CDH8: variants seen among roughly 807,000 people sequenced by gnomAD.
CDH8 encodes cadherin 8.
Under a neutral mutation model 68.1 loss-of-function variants are expected in CDH8, and 17 were observed. The ratio of observed to expected loss-of-function variants is 0.25; its 90% CI spans 0.17 to 0.37. The LOEUF (loss-of-function observed/expected upper bound fraction) is 0.37. Ranked by LOEUF, CDH8 falls within the 10% of genes least tolerant of loss-of-function variation. The probability of loss-of-function intolerance (pLI) is 1.00; values close to 1 mark genes in which losing one functional copy is unlikely to be tolerated. For synonymous variants in CDH8, 372 were observed against 365.1 expected (o/e 1.02, Z -0.21); for missense variants, 763 against 999.3 (o/e 0.76, Z 3.19).
intron 3 of CDH8, among the ~76,000 whole-genome samples, chr16:61,883,474 T>C (rs914084830): frequency 1.3e-5 from 2 of 152,204 alleles, no homozygotes; most frequent in Admixed American, 6.5e-5. Context: ...AAAAAGTTAA[T>C]GATACTTATA....
intron 8 of CDH8, among the ~76,000 whole-genome samples, chr16:61,739,368 C>T (rs1959794957): frequency 6.6e-6 from 1 of 152,034 alleles, no homozygotes; most frequent in Non-Finnish European, 1.5e-5. Flanking sequence ...ACAAGCAACA[C>T]ACACAATTTA....
In CDH8 at chr16:61,652,755, A is replaced by C. The variant is rs1206559454; in HGVS notation, c.*853T>G. On this transcript the variant is annotated 3_prime_UTR_variant, in exon 12 of 12. Coordinates refer to ENST00000577390, the MANE Select transcript of CDH8 (RefSeq NM_001796.5). Reference sequence around the variant, plus strand: ...ATAAAAGCATTAATGGACATCAATAAAATATTTATTTCGAGGATTAAACAA... The same window carrying C: ...ATAAAAGCATTAATGGACATCAATACAATATTTATTTCGAGGATTAAACAA... 2.3e-6 allele frequency: 3 copies of C among 1,323,908 alleles called. No homozygotes were observed. Among genetic ancestry groups the C allele is most frequent in the Non-Finnish European group, 2.9e-6 (3 of 1,037,680 alleles). The allele number at this position is 1,323,908 out of a possible 1,614,324, so 82.0% of individuals were successfully genotyped here. A position where few individuals can be genotyped will look rare whatever the true frequency, so the allele number is the denominator to read the frequency against.
chr16:61,850,917 T>A (rs1458373074), intron 4 of CDH8, among the ~76,000 whole-genome samples: 1 of 152,064 alleles, frequency 6.6e-6, no homozygotes, highest in Non-Finnish European at 1.5e-5. Flanking sequence ...GCCCACAACA[T>A]GGCAGCATGT....
chr16:61,943,668 A>G (rs908438841), intron 2 of CDH8, among the ~76,000 whole-genome samples: 2 of 152,200 alleles, frequency 1.3e-5, no homozygotes, highest in African/African-American at 4.8e-5. Flanking sequence ...TCTATTTTCC[A>G]TGTACTGTGT....
chr16:62,002,821 A>G (rs1314424100), intron 2 of CDH8, among the ~76,000 whole-genome samples: 3 of 152,152 alleles, frequency 2.0e-5, no homozygotes, highest in Non-Finnish European at 2.9e-5. Context: ...TGGGAGGCCG[A>G]GGTGGGCGGA....
intron 10 of CDH8, 111 bp downstream of exon 10, chr16:61,713,730 G>A: frequency 1.6e-6 from 1 of 637,888 alleles, no homozygotes; most frequent in South Asian, 1.9e-5. Context: ...AATTTCAAGT[G>A]CTCATAGTTG....
At chr16:61,699,244 A>C (rs976231693) in intron 10 of CDH8, among the ~76,000 whole-genome samples, 4 of 152,214 alleles carry the variant, frequency 2.6e-5, no homozygotes, top group African/African-American at 9.6e-5. Flanking sequence ...TCCACGTTTT[A>C]GTCTCAAAAA....
chr16:61,660,329 T>C (rs536312916), intron 10 of CDH8, among the ~76,000 whole-genome samples: 1 of 150,958 alleles, frequency 6.6e-6, no homozygotes, highest in East Asian at 1.9e-4. Flanking sequence ...AAAAATTAAC[T>C]AGAGTGACTA....
At chr16:61,672,970 A>G (rs1963827666) in intron 10 of CDH8, among the ~76,000 whole-genome samples, 1 of 152,120 alleles carries the variant, frequency 6.6e-6, no homozygotes, top group Non-Finnish European at 1.5e-5. Flanking sequence ...ATGTGAACTT[A>G]CATCTTTCTA....
intron 10 of CDH8, among the ~76,000 whole-genome samples, chr16:61,706,442 C>T (rs1274209907): frequency 1.3e-5 from 2 of 151,832 alleles, no homozygotes. Flanking sequence ...ACGGTGAAAC[C>T]TCGTCTCTAC....
At chr16:61,864,322 G>GTTGT (rs1963211855) in intron 3 of CDH8, among the ~76,000 whole-genome samples, 1 of 151,680 alleles carries the variant, frequency 6.6e-6, no homozygotes, top group Non-Finnish European at 1.5e-5. Flanking sequence ...TGGTTGGTTG[G>GTTGT]TTGGTTGGTT....
intron 8 of CDH8, 100 bp from the exon 9 acceptor site, chr16:61,727,315 T>C: frequency 4.1e-6 from 5 of 1,210,212 alleles, no homozygotes; most frequent in Non-Finnish European, 4.6e-6. Flanking sequence ...CCAACTTCCC[T>C]TAATTAGGAT....
At chr16:61,737,342 A>G (rs913799237) in intron 8 of CDH8, among the ~76,000 whole-genome samples, 9 of 152,212 alleles carry the variant, frequency 5.9e-5, no homozygotes, top group Non-Finnish European at 1.0e-4. Context: ...AGCTATGAGC[A>G]CTAAATTATA....
chr16:62,024,764 G>A (rs767927931), intron 1 of CDH8, among the ~76,000 whole-genome samples: 45 of 152,182 alleles, frequency 3.0e-4, no homozygotes, highest in Admixed American at 2.3e-3. Context: ...GTTCAAAACT[G>A]AGGCAGAGAA....
intron 10 of CDH8, among the ~76,000 whole-genome samples, chr16:61,672,709 A>G (rs1343355729): frequency 4.6e-5 from 7 of 152,050 alleles, no homozygotes. Flanking sequence ...TTTTATTTGG[A>G]AGCCTCATAG....
chr16:61,693,024 A>G (rs1596872271), intron 10 of CDH8: 1 of 152,144 alleles, frequency 6.6e-6, no homozygotes, highest in East Asian at 1.9e-4. Flanking sequence ...TATTGGCAGG[A>G]TATTTTCCAG....
intron 6 of CDH8, among the ~76,000 whole-genome samples, chr16:61,819,780 C>T (rs1962168163): frequency 6.6e-6 from 1 of 151,942 alleles, no homozygotes; most frequent in Non-Finnish European, 1.5e-5. Flanking sequence ...CTACATAATG[C>T]TGATGAAGAA....
chr16:61,832,979 G>C (rs1962492975), intron 4 of CDH8, among the ~76,000 whole-genome samples: 1 of 151,582 alleles, frequency 6.6e-6, no homozygotes, highest in Non-Finnish European at 1.5e-5. Context: ...GCACAGATCT[G>C]TGCTTAGAGA....
At chr16:61,933,228 A>C (rs1348235625) in intron 2 of CDH8, among the ~76,000 whole-genome samples, 1 of 152,220 alleles carries the variant, frequency 6.6e-6, no homozygotes, top group East Asian at 1.9e-4. Context: ...GAAGAGAATC[A>C]ATATTATTCG....
Sources: gnomAD v4.1 joint callset for allele counts (sites outside exome capture counted in the v4.1 genomes callset) on GRCh38, gnomAD v4.1.1 for gene constraint, MANE v1.5 for transcripts, NCBI Gene and HGNC (gene_info 2026-07-23, HGNC 2026-07-21) for gene names.